The following MYO1H variants were observed in gnomAD, a reference collection of about 807,000 sequenced individuals.
The protein encoded by MYO1H is unconventional myosin-Ih.
A neutral mutation model predicts 149.3 loss-of-function variants in MYO1H; 118 were observed. The ratio of observed to expected loss-of-function variants is 0.79; its 90% CI spans 0.68 to 0.92. MYO1H has a LOEUF of 0.92. Ranked by LOEUF, MYO1H falls within the 40% of genes least tolerant of loss-of-function variation. The pLI, the probability that MYO1H is intolerant of heterozygous loss-of-function variation, is 0.00. For synonymous variants in MYO1H, 447 were observed against 465.2 expected (o/e 0.96, Z 0.50); for missense variants, 1,212 against 1,280.7 (o/e 0.95, Z 0.82).
chr12:109,444,678 C>A, intron 30 of MYO1H, 149 bp downstream of exon 30: 1 of 653,942 alleles, frequency 1.5e-6, no homozygotes, highest in Non-Finnish European at 2.7e-6. Context: ...ACCAGCCTGG[C>A]CAAAATGGTG....
At chr12:109,417,382 C>T (rs1463952788) in intron 15 of MYO1H, among the ~76,000 whole-genome samples, 2 of 152,138 alleles carry the variant, frequency 1.3e-5, no homozygotes, top group African/African-American at 4.8e-5. Flanking sequence ...GGCTGGCGTG[C>T]AGTGGCATGA....
chr12:109,338,542 C>T, the MYO1H span, among the ~76,000 whole-genome samples: 2 of 151,960 alleles, frequency 1.3e-5, no homozygotes, highest in Non-Finnish European at 2.9e-5. Context: ...CCAAGAAGGG[C>T]AGATCACTTG....
At chr12:109,340,597 A>G in the MYO1H span, among the ~76,000 whole-genome samples, 2 of 152,234 alleles carry the variant, frequency 1.3e-5, no homozygotes, top group African/African-American at 4.8e-5. Flanking sequence ...TGAACTTTGG[A>G]TATATAAAAT....
chr12:109,447,722 G>A (rs143359056), exon 32 of MYO1H: 46 of 164,510 alleles, frequency 2.8e-4, no homozygotes, highest in Middle Eastern at 3.1e-3. Context: ...GTGTCTATGC[G>A]GTCCCAGTCT....
chr12:109,335,670 G>A, the MYO1H span, among the ~76,000 whole-genome samples: 1 of 152,144 alleles, frequency 6.6e-6, no homozygotes, highest in South Asian at 2.1e-4. Flanking sequence ...TTTGGGGGAT[G>A]ATTGACATTT....
chr12:109,393,273 G>C, intron 2 of MYO1H, 58 bp from the exon 3 acceptor site: 1 of 1,006,750 alleles, frequency 9.9e-7, no homozygotes, highest in East Asian at 2.6e-5. Context: ...GGATCATCAT[G>C]TGTGACAGTC....
rs1245270834 is a variant in MYO1H at position 109,432,852 on chromosome 12, A to T, written c.1950-45A>T. The T allele has an allele frequency of 2.6e-6, 4 of 1,543,078 alleles. No homozygotes were observed. The Admixed American group carries it at 5.0e-5, about 19-fold the overall frequency. On this transcript the variant is annotated intron_variant, in intron 19 of 31. Coordinates refer to ENST00000310903, the Ensembl canonical transcript of MYO1H. The stretch of plus-strand genomic sequence containing the variant: ...GGCCGGGGATGTGGGGGAGGGCTAG[A>T]GGAAGGTACGGTCACAGCTTCTCCA...
At chr12:109,318,983 T>TTTTTTTTTTTTTTTTG in the MYO1H span, among the ~76,000 whole-genome samples, 1 of 144,824 alleles carries the variant, frequency 6.9e-6, no homozygotes, top group African/African-American at 2.6e-5. Flanking sequence ...TTTTTTTTTT[T>TTTTTTTTTTTTTTTTG]TTTTTTTTTT....
exon 32 of MYO1H, chr12:109,447,572 A>G (rs988959578): frequency 4.0e-6 from 1 of 247,328 alleles, no homozygotes; most frequent in Non-Finnish European, 8.1e-6. Flanking sequence ...ACATTTCGTT[A>G]TATGTTGATA....
chr12:109,369,023 T>C (rs1868928809), intron 1 of MYO1H, among the ~76,000 whole-genome samples: 1 of 152,146 alleles, frequency 6.6e-6, no homozygotes, highest in South Asian at 2.1e-4. Flanking sequence ...GTTTCACTGT[T>C]GTCACCCAGG....
chr12:109,393,420 C>G, exon 3 of MYO1H: 5 of 1,584,336 alleles, frequency 3.2e-6, no homozygotes, highest in Non-Finnish European at 4.3e-6. Context: ...ATCAAGGGGT[C>G]AATTTCTTTG....
At chr12:109,386,725 C>G (rs1350387981) in intron 1 of MYO1H, among the ~76,000 whole-genome samples, 1 of 152,112 alleles carries the variant, frequency 6.6e-6, no homozygotes, top group Admixed American at 6.6e-5. Flanking sequence ...GTCTTTTATT[C>G]TGGATACAAA....
the MYO1H span, among the ~76,000 whole-genome samples, chr12:109,320,654 T>G: frequency 6.6e-6 from 1 of 151,002 alleles, no homozygotes; most frequent in Non-Finnish European, 1.5e-5. Context: ...AAAATTGCTT[T>G]TGTATGTGAA....
chr12:109,403,882 A>G (rs1247173497), intron 6 of MYO1H, 100 bp from the exon 7 acceptor site: 2 of 725,460 alleles, frequency 2.8e-6, no homozygotes, highest in Non-Finnish European at 2.4e-6. Context: ...GCAATTCAGT[A>G]CATTATATAG....
chr12:109,346,422 T>G (rs1740810197), upstream of MYO1H, among the ~76,000 whole-genome samples: 1 of 152,190 alleles, frequency 6.6e-6, no homozygotes, highest in South Asian at 2.1e-4. Context: ...TATACGTGAT[T>G]TATATTTCAA....
At chr12:109,344,716 T>C (rs2048097311), upstream of MYO1H, among the ~76,000 whole-genome samples, 1 of 152,224 alleles carries the variant, frequency 6.6e-6, no homozygotes, top group African/African-American at 2.4e-5. Flanking sequence ...TGTTTTACAT[T>C]TCCTGATTTT....
the MYO1H span, among the ~76,000 whole-genome samples, chr12:109,335,108 G>T: frequency 1.3e-5 from 2 of 152,098 alleles, no homozygotes; most frequent in Admixed American, 1.3e-4. Context: ...CCTTTTCATG[G>T]CTGTATAATA....
At chr12:109,442,947 C>T (rs565121381) in intron 27 of MYO1H, among the ~76,000 whole-genome samples, 9 of 147,376 alleles carry the variant, frequency 6.1e-5, no homozygotes, top group South Asian at 4.3e-4. Flanking sequence ...CAGAGGGCAA[C>T]GCAGGTAGGC....
chr12:109,442,426 A>T (rs1352320567), intron 27 of MYO1H, among the ~76,000 whole-genome samples, 154 bp downstream of exon 27: 3 of 152,148 alleles, frequency 2.0e-5, no homozygotes, highest in African/African-American at 7.2e-5. Flanking sequence ...ATTAACTAAG[A>T]TGATGGGGAA....
Sources: allele counts gnomAD v4.1 joint callset (sites outside exome capture counted in the v4.1 genomes callset), GRCh38; gene constraint gnomAD v4.1.1; transcripts MANE v1.5; gene names NCBI Gene and HGNC (gene_info 2026-07-23, HGNC 2026-07-21).